NAALADL2: variants seen among roughly 807,000 people sequenced by gnomAD.
NAALADL2 encodes the protein N-acetylated alpha-linked acidic dipeptidase like 2, also known as inactive N-acetylated-alpha-linked acidic dipeptidase-like protein 2.
A neutral mutation model predicts 87.2 loss-of-function variants in NAALADL2; 76 were observed. That is an observed-to-expected ratio of 0.87 (90% CI 0.72 to 1.05). The LOEUF is 1.05. Ranked by LOEUF, NAALADL2 falls within the 50% of genes least tolerant of loss-of-function variation. NAALADL2 has a pLI of 0.00. For missense variants in NAALADL2, 1,089 were observed against 945.8 expected, an observed-to-expected ratio of 1.15 and a Z score of -1.99; for synonymous variants, 354 against 331.0, an observed-to-expected ratio of 1.07 and a Z score of -0.75.
chr3:174,890,955 A>C (rs1417600480), intron 1 of NAALADL2, among the ~76,000 whole-genome samples: 1 of 152,140 alleles, frequency 6.6e-6, no homozygotes, highest in Non-Finnish European at 1.5e-5. Flanking sequence ...TATATGAATA[A>C]GAAAATTATT....
intron 1 of NAALADL2, among the ~76,000 whole-genome samples, chr3:175,011,718 G>A (rs1363094059): frequency 6.6e-6 from 1 of 152,156 alleles, no homozygotes; most frequent in Non-Finnish European, 1.5e-5. Context: ...CATGAGGACA[G>A]CAGAGGCCCC....
intron 3 of NAALADL2, among the ~76,000 whole-genome samples, chr3:175,256,001 A>C (rs1359950316): frequency 6.6e-6 from 1 of 152,234 alleles, no homozygotes; most frequent in Non-Finnish European, 1.5e-5. Flanking sequence ...TTTGGATAGC[A>C]ATAGAAAACC....
chr3:174,721,265 A>T (rs2108951556), intron 2 of NAALADL2, among the ~76,000 whole-genome samples: 1 of 152,306 alleles, frequency 6.6e-6, no homozygotes, highest in South Asian at 2.1e-4. Flanking sequence ...AGAGGTGATA[A>T]AAATACACTA....
At chr3:175,695,434 G>A (rs1737638494) in intron 11 of NAALADL2, among the ~76,000 whole-genome samples, 2 of 152,092 alleles carry the variant, frequency 1.3e-5, no homozygotes, top group Admixed American at 1.3e-4. Flanking sequence ...TCACAATTCT[G>A]TTGCTAAAGT....
At chr3:175,422,628 G>A (rs992236365) in intron 5 of NAALADL2, among the ~76,000 whole-genome samples, 3 of 151,750 alleles carry the variant, frequency 2.0e-5, no homozygotes, top group Non-Finnish European at 1.5e-5. Flanking sequence ...ACCAGAACGT[G>A]ATGTGCATCA....
At chr3:175,198,918 C>T (rs543848123) in intron 2 of NAALADL2, among the ~76,000 whole-genome samples, 16 of 151,994 alleles carry the variant, frequency 1.1e-4, no homozygotes, top group African/African-American at 2.9e-4. Flanking sequence ...ATTCATGCAC[C>T]TCAAAAACAG....
chr3:174,861,359 C>T (rs1726474340), intron 1 of NAALADL2, among the ~76,000 whole-genome samples: 1 of 151,980 alleles, frequency 6.6e-6, no homozygotes, highest in African/African-American at 2.4e-5. Context: ...CAATGGAATG[C>T]CTTAACATTT....
At chr3:175,544,727 C>G (rs984768222) in intron 9 of NAALADL2, among the ~76,000 whole-genome samples, 1 of 152,108 alleles carries the variant, frequency 6.6e-6, no homozygotes, top group Non-Finnish European at 1.5e-5. Context: ...CTCCTTTTCT[C>G]CTTTTTATAC....
intron 10 of NAALADL2, among the ~76,000 whole-genome samples, chr3:175,587,847 C>A (rs563550922): frequency 6.5e-4 from 99 of 152,224 alleles, no homozygotes; most frequent in African/African-American, 2.3e-3. Context: ...AATAGTTGCT[C>A]CTCACCCACT....
chr3:175,673,318 A>G (rs1195271630), intron 11 of NAALADL2, among the ~76,000 whole-genome samples: 1 of 152,166 alleles, frequency 6.6e-6, no homozygotes, highest in Non-Finnish European at 1.5e-5. Flanking sequence ...GGAGAGTCAG[A>G]GCATCATCTT....
At chr3:175,600,383 A>G (rs116722823) in intron 10 of NAALADL2, among the ~76,000 whole-genome samples, 305 of 152,126 alleles carry the variant, frequency 2.0e-3, no homozygotes, top group Non-Finnish European at 3.7e-3. Flanking sequence ...AGTGAAAAGT[A>G]TTAGATGAGC....
chr3:175,776,384 A>T (rs1455887861), intron 13 of NAALADL2: 1 of 152,084 alleles, frequency 6.6e-6, no homozygotes, highest in Non-Finnish European at 1.5e-5. Flanking sequence ...TTGTTCTTAC[A>T]TTCTAATTCT....
intron 1 of NAALADL2, among the ~76,000 whole-genome samples, chr3:174,868,054 C>T (rs1475316651): frequency 6.6e-6 from 1 of 151,904 alleles, no homozygotes; most frequent in African/African-American, 2.4e-5. Flanking sequence ...TAACAGGAGG[C>T]TAATTTCAAA....
intron 2 of NAALADL2, among the ~76,000 whole-genome samples, chr3:174,656,004 T>C (rs570946515): frequency 6.6e-6 from 1 of 152,262 alleles, no homozygotes; most frequent in Non-Finnish European, 1.5e-5. Context: ...TGTGTATCAA[T>C]GGTACTTTAC....
intron 2 of NAALADL2, among the ~76,000 whole-genome samples, chr3:175,112,245 C>T (rs946782800): frequency 2.6e-5 from 4 of 151,218 alleles, no homozygotes; most frequent in African/African-American, 4.8e-5. Context: ...TGGTGTCTCC[C>T]GCCTCCTCTC....
At chr3:174,700,124 A>T (rs1729418300) in intron 2 of NAALADL2, among the ~76,000 whole-genome samples, 2 of 150,766 alleles carry the variant, frequency 1.3e-5, no homozygotes, top group African/African-American at 2.4e-5. Context: ...AAAAAAATGT[A>T]TTTGCTGCAA....
chr3:175,332,425 C>G (rs895337937), intron 5 of NAALADL2, among the ~76,000 whole-genome samples: 22 of 152,274 alleles, frequency 1.4e-4, no homozygotes, highest in Non-Finnish European at 2.6e-4. Flanking sequence ...CCTCAGCCTC[C>G]AAGTAGCTGG....
chr3:175,295,345 C>A (rs1756180248), intron 4 of NAALADL2, among the ~76,000 whole-genome samples: 1 of 152,094 alleles, frequency 6.6e-6, no homozygotes, highest in East Asian at 1.9e-4. Flanking sequence ...TCAGAAACAC[C>A]TTAGCTCAAC....
chr3:175,146,143 T>C (rs1461382875), intron 2 of NAALADL2, among the ~76,000 whole-genome samples: 2 of 152,122 alleles, frequency 1.3e-5, no homozygotes, highest in South Asian at 2.1e-4. Flanking sequence ...TGGCCTATTA[T>C]TGTAAATTTT....
Sources: gnomAD v4.1 joint callset for allele counts (sites outside exome capture counted in the v4.1 genomes callset) on GRCh38, gnomAD v4.1.1 for gene constraint, MANE v1.5 for transcripts, NCBI Gene and HGNC (gene_info 2026-07-23, HGNC 2026-07-21) for gene names.